Variants in MBD5 observed in about 807,000 individuals in gnomAD.
MBD5 encodes the protein methyl-CpG binding domain protein 5, also known as methyl-CpG-binding domain protein 5.
In MBD5, 13 loss-of-function variants were observed where a neutral mutation model predicts 117.3. The ratio of observed to expected loss-of-function variants is 0.11; its 90% CI spans 0.07 to 0.18. The LOEUF (loss-of-function observed/expected upper bound fraction) is 0.18. Among genes scored for constraint, MBD5 ranks in the 10% least tolerant of loss-of-function variants. The pLI, the probability that MBD5 is intolerant of heterozygous loss-of-function variation, is 1.00. For missense variants in MBD5, 1,879 were observed against 2,093.8 expected (o/e 0.90, Z 2.00); for synonymous variants, 727 against 766.4 (o/e 0.95, Z 0.85).
At chr2:148,163,880 A>T (rs1698067996) in intron 1 of MBD5, among the ~76,000 whole-genome samples, 1 of 152,232 alleles carries the variant, frequency 6.6e-6, no homozygotes, top group East Asian at 1.9e-4. Context: ...TGGTTGACAT[A>T]TGTAACCACT....
intron 1 of MBD5, among the ~76,000 whole-genome samples, chr2:148,085,119 CAA>C (rs1473586561): frequency 6.6e-6 from 1 of 152,134 alleles, no homozygotes; most frequent in Non-Finnish European, 1.5e-5. Flanking sequence ...CCCACTGAAA[CAA>C]GAGCAGAGGT....
intron 7 of MBD5, among the ~76,000 whole-genome samples, chr2:148,465,747 C>G (rs1381008639): frequency 1.3e-5 from 2 of 152,108 alleles, no homozygotes; most frequent in African/African-American, 4.8e-5. Flanking sequence ...CAAAGAAGAA[C>G]AGTTGCCATG....
intron 3 of MBD5, among the ~76,000 whole-genome samples, chr2:148,236,203 A>G (rs1700088808): frequency 6.6e-6 from 1 of 152,130 alleles, no homozygotes; most frequent in East Asian, 1.9e-4. Context: ...GATATATTGA[A>G]ATAAGACAGC....
intron 4 of MBD5, among the ~76,000 whole-genome samples, chr2:148,456,166 A>T (rs561465641): frequency 6.6e-6 from 1 of 152,178 alleles, no homozygotes; most frequent in Non-Finnish European, 1.5e-5. Context: ...ATAACCAAAC[A>T]CTGTAAACTG....
At chr2:148,139,520 A>G (rs1697259749) in intron 1 of MBD5, among the ~76,000 whole-genome samples, 1 of 152,092 alleles carries the variant, frequency 6.6e-6, no homozygotes, top group Admixed American at 6.6e-5. Flanking sequence ...CCTTCTTTAA[A>G]CATTTTAAGG....
At chr2:148,036,782 G>A (rs1162906885) in intron 1 of MBD5, among the ~76,000 whole-genome samples, 1 of 151,964 alleles carries the variant, frequency 6.6e-6, no homozygotes, top group Non-Finnish European at 1.5e-5. Context: ...ATGAGGTTTT[G>A]AACAGCACTA....
In MBD5 at chr2:148,490,554, A is replaced by T. The variant is rs1416189123; in HGVS notation, c.4922A>T (p.Asp1641Val). ...SWPGKLVRED[D>V]VHNSCQQSPE... is the part of the protein sequence containing the mutation. ...CCTGGAAAATTAGTAAGAGAAGACG[A>T]CGTTCACAATTCATGTCAACAAAGC... The change falls in exon 11 of 14, where the codon GAC becomes GTC. Residue 1641 changes from aspartate (D) to valine (V), a missense_variant. Coordinates refer to ENST00000642680, the MANE Select transcript of MBD5 (RefSeq NM_001378120.1). The T allele has an allele frequency of 6.2e-7, 1 of 1,614,214 alleles. No homozygotes were observed. Among genetic ancestry groups the T allele is most frequent in the Admixed American group, 1.7e-5 (1 of 60,024 alleles).
chr2:148,330,033 A>ACCCCCCCCCCCCCCCCCCCCCC lies in MBD5; in HGVS notation c.-679-12172_-679-12171insCCCCCCCCCCCCCCCCCCCCCC, dbSNP rs56712549. On this transcript the variant is annotated intron_variant, in intron 3 of 13. Transcript: ENST00000642680. Reference sequence around the variant, plus strand: ...AAGACTTCCTTGGTTGTAGGTAAGAACCCCCCCCCGCCCCCCCCACACACA... The same window carrying ACCCCCCCCCCCCCCCCCCCCCC: ...AAGACTTCCTTGGTTGTAGGTAAGAACCCCCCCCCCCCCCCCCCCCCCCCCCCCCCCGCCCCCCCCACACACA... Among the ~76,000 whole-genome samples, 11 of 17,688 alleles carry ACCCCCCCCCCCCCCCCCCCCCC rather than the reference A, an allele frequency of 6.2e-4. 1 individual carries two copies. The highest frequency in any genetic ancestry group is 2.3e-3 in the Admixed American group (2 of 886). 11.6% of individuals were successfully genotyped at this position (17,688 alleles called of 152,430 possible).
chr2:148,315,058 C>T (rs1213773307), intron 3 of MBD5, among the ~76,000 whole-genome samples: 1 of 151,922 alleles, frequency 6.6e-6, no homozygotes, highest in Non-Finnish European at 1.5e-5. Flanking sequence ...AGAACAGAGC[C>T]CAAGATTGGA....
At chr2:148,285,965 A>T (rs1701359620) in intron 3 of MBD5, among the ~76,000 whole-genome samples, 2 of 152,172 alleles carry the variant, frequency 1.3e-5, no homozygotes, top group Non-Finnish European at 2.9e-5. Flanking sequence ...TCTTCAGAAT[A>T]GTGTATAATT....
At position 148,483,533 on chromosome 2, in the gene MBD5, T is replaced by G. The variant is rs1194356940; in HGVS notation, c.2942T>G (p.Leu981Trp). 1 of 1,600,842 alleles carries G rather than the reference T, an allele frequency of 6.2e-7. No homozygotes were observed. The highest frequency in any genetic ancestry group is 2.3e-5 in the East Asian group (1 of 44,298). Residue 981 changes from leucine to tryptophan, a missense_variant, in exon 9 of 14, where the codon TTG (leucine) becomes TGG (tryptophan). By Grantham distance (61) the Leu-to-Trp change is moderately conservative (BLOSUM62 -2). Around this residue, in one of 4 missense-constraint regions of MBD5, gnomAD observed 1,666 missense variants for 1,792.2 expected, o/e 0.93. Transcript: ENST00000642680. ...FLSSDMDGQVLQPVHFQLLAA... is the reference protein window; with the variant it reads ...FLSSDMDGQVWQPVHFQLLAA... ...TCCAGTGACATGGATGGGCAGGTAT[T>G]GCAGCCTGTTCACTTTCAGCTCTTA...
intron 3 of MBD5, among the ~76,000 whole-genome samples, chr2:148,294,501 G>GTTTTTTTTTTTTTTTTTTTTTTTTT (rs58961481): frequency 8.8e-6 from 1 of 113,258 alleles, no homozygotes; most frequent in African/African-American, 3.7e-5. Flanking sequence ...TGGGATTACA[G>GTTTTTTTTTTTTTTTTTTTTTTTTT]TTTTTTTTTT....
intron 3 of MBD5, among the ~76,000 whole-genome samples, chr2:148,327,724 A>T (rs2105010032): frequency 6.6e-6 from 1 of 152,004 alleles, no homozygotes; most frequent in African/African-American, 2.4e-5. Context: ...CGTATTGGTT[A>T]TTCTAGTTAT....
At chr2:148,369,285 G>A (rs757861969) in intron 4 of MBD5, among the ~76,000 whole-genome samples, 27 of 151,830 alleles carry the variant, frequency 1.8e-4, no homozygotes, top group Admixed American at 1.2e-3. Context: ...TAATTGATTG[G>A]TTCTTGGCCT....
At chr2:148,024,320 C>A (rs1013681314) in intron 1 of MBD5, among the ~76,000 whole-genome samples, 1 of 152,246 alleles carries the variant, frequency 6.6e-6, no homozygotes, top group Admixed American at 6.5e-5. Flanking sequence ...CCTGCACTTA[C>A]AATTAATCAG....
intron 1 of MBD5, chr2:148,027,808 A>G (rs944073718): frequency 2.0e-5 from 3 of 152,152 alleles, no homozygotes; most frequent in Non-Finnish European, 4.4e-5. Flanking sequence ...TAAATGCTAA[A>G]GAAATATTCT....
chr2:148,228,637 G>A (rs567145678), intron 2 of MBD5, among the ~76,000 whole-genome samples: 2 of 152,324 alleles, frequency 1.3e-5, no homozygotes, highest in African/African-American at 4.8e-5. Context: ...ATGAGTTAGG[G>A]AGGATTCCCT....
chr2:148,256,146 G>A (rs905294669), intron 3 of MBD5, among the ~76,000 whole-genome samples: 2 of 152,222 alleles, frequency 1.3e-5, no homozygotes, highest in African/African-American at 4.8e-5. Context: ...GCGTAACATT[G>A]GACAGCTGCC....
At chr2:148,145,734 A>G (rs1192895585) in intron 1 of MBD5, among the ~76,000 whole-genome samples, 1 of 152,140 alleles carries the variant, frequency 6.6e-6, no homozygotes, top group African/African-American at 2.4e-5. Context: ...TGGTCTGCTT[A>G]TGTGATGGAT....
Sources: allele counts gnomAD v4.1 joint callset (sites outside exome capture counted in the v4.1 genomes callset), GRCh38; gene constraint gnomAD v4.1.1; regional missense constraint gnomAD v4.1.1; transcripts MANE v1.5; gene names NCBI Gene and HGNC (gene_info 2026-07-23, HGNC 2026-07-21).